The following KIAA0825 variants were observed in gnomAD, a reference collection of about 807,000 sequenced individuals.
KIAA0825 encodes the protein uncharacterized protein KIAA0825.
Under a neutral mutation model 147.6 loss-of-function variants are expected in KIAA0825, and 119 were observed. The observed-to-expected ratio is 0.81, with a 90% confidence interval of 0.69 to 0.94. KIAA0825 has a LOEUF of 0.94. Ranked by LOEUF, KIAA0825 falls within the 40% of genes least tolerant of loss-of-function variation. The pLI is 0.00. For missense variants in KIAA0825, 1,381 were observed against 1,472.7 expected, an observed-to-expected ratio of 0.94 and a Z score of 1.02; for synonymous variants, 470 against 518.1, an observed-to-expected ratio of 0.91 and a Z score of 1.26.
intron 20 of KIAA0825, among the ~76,000 whole-genome samples, chr5:94,185,243 A>G (rs1770017006): frequency 6.6e-6 from 1 of 152,170 alleles, no homozygotes; most frequent in South Asian, 2.1e-4. Context: ...CACTATAACA[A>G]TCTACTGCTC....
At chr5:94,256,167 A>G (rs1220458140) in intron 20 of KIAA0825, among the ~76,000 whole-genome samples, 3 of 152,134 alleles carry the variant, frequency 2.0e-5, no homozygotes, top group Admixed American at 6.5e-5. Context: ...AGGTCTTAAC[A>G]CTAATGTGAT....
intron 14 of KIAA0825, among the ~76,000 whole-genome samples, chr5:94,429,098 T>C (rs573305565): frequency 4.6e-5 from 7 of 152,328 alleles, no homozygotes; most frequent in Admixed American, 4.6e-4. Flanking sequence ...CCTGGATTGC[T>C]TTAGAAGTTT....
At chr5:94,592,767 A>G (rs930522071) in intron 1 of KIAA0825, 8 of 358,940 alleles carry the variant, frequency 2.2e-5, no homozygotes, top group East Asian at 6.3e-5. Flanking sequence ...TTTGTGATGT[A>G]AATCAAAAAA....
intron 20 of KIAA0825, among the ~76,000 whole-genome samples, chr5:94,376,488 G>GGAAA (rs770936880): frequency 6.2e-4 from 95 of 152,118 alleles, no homozygotes; most frequent in Non-Finnish European, 1.3e-3. Context: ...CTACCCATCA[G>GGAAA]GAAATAATAC....
intron 20 of KIAA0825, among the ~76,000 whole-genome samples, chr5:94,156,422 C>A (rs1767034778): frequency 6.6e-6 from 1 of 152,076 alleles, no homozygotes; most frequent in Admixed American, 6.5e-5. Context: ...GCCTTTTTTC[C>A]TTCCCATGTA....
chr5:94,168,155 C>G (rs1288612997), intron 20 of KIAA0825, among the ~76,000 whole-genome samples: 1 of 151,700 alleles, frequency 6.6e-6, no homozygotes, highest in Non-Finnish European at 1.5e-5. Flanking sequence ...TATATATCAA[C>G]ACTTGCCATC....
intron 1 of KIAA0825, chr5:94,594,156 T>C (rs889075625): frequency 1.8e-6 from 1 of 558,980 alleles, no homozygotes; most frequent in Non-Finnish European, 3.6e-6. Context: ...TAAAGGTAAT[T>C]TTAATATCAA....
At chr5:94,214,746 G>T (rs1773050739) in intron 20 of KIAA0825, among the ~76,000 whole-genome samples, 1 of 152,182 alleles carries the variant, frequency 6.6e-6, no homozygotes, top group Non-Finnish European at 1.5e-5. Flanking sequence ...AGAATAATAA[G>T]TACTTGAGTA....
At chr5:94,541,185 G>A (rs1020296655) in intron 2 of KIAA0825, among the ~76,000 whole-genome samples, 2 of 152,132 alleles carry the variant, frequency 1.3e-5, no homozygotes, top group African/African-American at 2.4e-5. Context: ...TTACAGCTAG[G>A]TAAGGCCTGG....
rs1022119084 is a variant in KIAA0825 at position 94,384,405 on chromosome 5, G to C, written c.3673C>G (p.Leu1225Val). Residue 1225 changes from leucine to valine, a missense_variant, in exon 20 of 21, where the codon CTG (leucine) becomes GTG (valine). By Grantham distance (32) the Leu-to-Val change is conservative. Coordinates refer to ENST00000682413, the MANE Select transcript of KIAA0825 (RefSeq NM_001145678.3). ...WAKLLPNYLR[L>V]DKMTFSVLLK... Reference sequence around the variant, plus strand: ...AGCACACTGAAGGTCATCTTATCCAGTCTCAGATAATTTGGCAGCAACTTT... The same window carrying C: ...AGCACACTGAAGGTCATCTTATCCACTCTCAGATAATTTGGCAGCAACTTT... 5.2e-6 allele frequency: 8 copies of C among 1,551,916 alleles called. No homozygotes were observed. In the African/African-American group the frequency reaches 9.6e-5, roughly 19 times the overall value.
intron 20 of KIAA0825, among the ~76,000 whole-genome samples, chr5:94,212,146 G>A (rs772825648): frequency 2.0e-5 from 3 of 152,194 alleles, no homozygotes; most frequent in South Asian, 2.1e-4. Context: ...GGATTTATAC[G>A]ATAAACATTT....
At chr5:94,235,725 T>A (rs978028686) in intron 20 of KIAA0825, among the ~76,000 whole-genome samples, 1 of 152,212 alleles carries the variant, frequency 6.6e-6, no homozygotes, top group African/African-American at 2.4e-5. Flanking sequence ...TTGCTTCTTT[T>A]TTTAAGGCTA....
chr5:94,553,720 C>G (rs756250274), intron 2 of KIAA0825, among the ~76,000 whole-genome samples: 31 of 150,838 alleles, frequency 2.1e-4, no homozygotes, highest in Non-Finnish European at 4.0e-4. Context: ...GCGCCAAGAT[C>G]GCGCCATTGC....
chr5:94,590,890 C>T (rs1241096814), intron 1 of KIAA0825, among the ~76,000 whole-genome samples: 1 of 152,102 alleles, frequency 6.6e-6, no homozygotes, highest in African/African-American at 2.4e-5. Context: ...TTTCCATAAT[C>T]TACTGCAAAC....
chr5:94,496,512 AG>A (rs1025815465), intron 5 of KIAA0825, among the ~76,000 whole-genome samples: 1 of 152,222 alleles, frequency 6.6e-6, no homozygotes, highest in African/African-American at 2.4e-5. Context: ...CTGGTTAAAA[AG>A]CAGGGGGTGG....
rs915321734 is a variant in KIAA0825, at chr5:94,152,705, C to T, written c.*1302G>A. ...TGGCATGCACCTGTAGTTCTAGCTA[C>T]TCAGGAGGCTGAGGTGGGAGTATTG... On this transcript the variant is annotated 3_prime_UTR_variant, in exon 21 of 21. Coordinates refer to ENST00000682413, the MANE Select transcript of KIAA0825 (RefSeq NM_001145678.3). Among the ~76,000 whole-genome samples the T allele has an allele frequency of 6.7e-6, 1 of 148,610 alleles. No homozygotes were observed. Among genetic ancestry groups the T allele is most frequent in the Non-Finnish European group, 1.5e-5 (1 of 67,088 alleles).
intron 20 of KIAA0825, among the ~76,000 whole-genome samples, chr5:94,330,841 A>C (rs2150288376): frequency 6.6e-6 from 1 of 152,218 alleles, no homozygotes; most frequent in Non-Finnish European, 1.5e-5. Context: ...TACTATCAGA[A>C]ATGAAATGAG....
intron 14 of KIAA0825, among the ~76,000 whole-genome samples, chr5:94,432,544 T>A (rs901941664): frequency 6.6e-6 from 1 of 151,656 alleles, no homozygotes; most frequent in Admixed American, 6.6e-5. Context: ...TTGGATAGGA[T>A]CCCATATGGT....
intron 16 of KIAA0825, among the ~76,000 whole-genome samples, chr5:94,402,173 T>C (rs1484321058): frequency 2.6e-5 from 4 of 152,196 alleles, no homozygotes; most frequent in Non-Finnish European, 5.9e-5. Flanking sequence ...AAGGAAAACT[T>C]TAACAACTGG....
Sources: allele counts gnomAD v4.1 joint callset (sites outside exome capture counted in the v4.1 genomes callset), GRCh38; gene constraint gnomAD v4.1.1; transcripts MANE v1.5; gene names NCBI Gene and HGNC (gene_info 2026-07-23, HGNC 2026-07-21).